Variants in PDCD4 observed in about 807,000 individuals in gnomAD.
The protein encoded by PDCD4 is programmed cell death protein 4.
In PDCD4, 56 loss-of-function variants were observed where a neutral mutation model predicts 54.0. The ratio of observed to expected loss-of-function variants is 1.04; its 90% CI spans 0.84 to 1.30. The LOEUF is 1.30. PDCD4 is among the 50% of genes most tolerant of loss of function. The probability of loss-of-function intolerance (pLI) is 0.00; values close to 1 mark genes in which losing one functional copy is unlikely to be tolerated. For synonymous variants in PDCD4, 186 were observed against 194.8 expected, an observed-to-expected ratio of 0.95 and a Z score of 0.37; for missense variants, 584 against 559.8, an observed-to-expected ratio of 1.04 and a Z score of -0.44.
intron 1 of PDCD4, 34 bp from the exon 2 acceptor site, chr10:110,875,932 C>T (rs1845496996): frequency 2.1e-6 from 2 of 961,980 alleles, no homozygotes. Flanking sequence ...TTTAAAAGAT[C>T]TTGAAGCTTT....
Position 110,894,465 on chromosome 10 carries a change from G to C in PDCD4, c.1152G>C (p.Leu384Phe). ...GAGAAAGTACATTTAAGATGATTTT[G>C]GATTTATTAAAGTCCCTTTGGAAGT... Reference protein sequence around the residue: ...STGESTFKMILDLLKSLWKSS... With the variant: ...STGESTFKMIFDLLKSLWKSS... Residue 384 changes from leucine (L) to phenylalanine (F), a missense_variant, in exon 10 of 12, where the codon TTG becomes TTC. Leu to Phe is a conservative substitution (Grantham distance 22). Coordinates refer to ENST00000280154, the MANE Select transcript of PDCD4 (RefSeq NM_014456.5). 1 of 1,573,202 alleles carries C rather than the reference G, an allele frequency of 6.4e-7. No individual in the cohort carries two copies. Among genetic ancestry groups the C allele is most frequent in the Non-Finnish European group, 8.7e-7 (1 of 1,144,576 alleles).
chr10:110,872,241 G>A (rs1845421089), intron 1 of PDCD4: 1 of 152,136 alleles, frequency 6.6e-6, no homozygotes, highest in Non-Finnish European at 1.5e-5. Context: ...ATCCGGCCTG[G>A]TTCCCTCTTT....
chr10:110,884,328 GGCTTGGAAC>G (rs1845637382), intron 4 of PDCD4, among the ~76,000 whole-genome samples: 1 of 152,084 alleles, frequency 6.6e-6, no homozygotes, highest in Admixed American at 6.6e-5. Flanking sequence ...CCTCGGACGG[GGCTTGGAAC>G]ATACCCCTTG....
chr10:110,896,910 G>A (rs1170677225), intron 11 of PDCD4, among the ~76,000 whole-genome samples: 1 of 152,162 alleles, frequency 6.6e-6, no homozygotes, highest in Admixed American at 6.5e-5. Context: ...AGAGGGAAAA[G>A]AAAGTGATGA....
At chr10:110,897,080 TC>T (rs1444313352) in intron 11 of PDCD4, among the ~76,000 whole-genome samples, 2 of 152,220 alleles carry the variant, frequency 1.3e-5, no homozygotes, top group Non-Finnish European at 1.5e-5. Context: ...TACCTTGGTC[TC>T]ATACAGTCTG....
At chr10:110,875,042 A>C (rs1395268713) in intron 1 of PDCD4, among the ~76,000 whole-genome samples, 1 of 152,154 alleles carries the variant, frequency 6.6e-6, no homozygotes, top group Non-Finnish European at 1.5e-5. Flanking sequence ...CATACACTTA[A>C]GTACTCTAAA....
rs1845942096 is a variant in PDCD4 at position 110,899,848 on chromosome 10, C to G, written c.*1760C>G. On this transcript the variant is annotated 3_prime_UTR_variant, in exon 12 of 12. Transcript: ENST00000280154. ...ACAGTTTTGTCATTACTGGTGGGAT[C>G]TGGTCACACAAGATAGCATTAAACG... The G allele has an allele frequency of 6.6e-6, 1 of 151,404 alleles. No individual in the cohort carries two copies. The highest frequency in any genetic ancestry group is 2.1e-4 in the South Asian group (1 of 4,814). 9.4% of individuals were successfully genotyped at this position (151,404 alleles called of 1,614,324 possible).
At chr10:110,878,376 T>C (rs1351022519) in intron 2 of PDCD4, among the ~76,000 whole-genome samples, 1 of 152,212 alleles carries the variant, frequency 6.6e-6, no homozygotes, top group African/African-American at 2.4e-5. Context: ...TTAAATTGAA[T>C]ACTCCAAGGG....
rs556035442 is a variant in PDCD4 at position 110,881,748 on chromosome 10, T to C, written c.346+213T>C. Among the ~76,000 whole-genome samples, 7 of 152,340 alleles carry C rather than the reference T, an allele frequency of 4.6e-5. No individual in the cohort carries two copies. In the Middle Eastern group the frequency reaches 0.02, roughly 444 times the overall value. On this transcript the variant is annotated intron_variant, in intron 3 of 11. Transcript: ENST00000280154. ...ATGTTTTTTCTTGTTTGAGTAGATT[T>C]AATTTTCTTGAGCAGAATGTTAACG...
chr10:110,887,934 C>G, intron 6 of PDCD4, 48 bp downstream of exon 6: 1 of 1,255,786 alleles, frequency 8.0e-7, no homozygotes. Flanking sequence ...TACTATATTC[C>G]TAATTGTGGA....
At position 110,887,710 on chromosome 10, in the gene PDCD4, C is replaced by T; in HGVS notation, c.601C>T (p.Pro201Ser). 7.4e-6 allele frequency: 12 copies of T among 1,613,026 alleles called. No individual in the cohort carries two copies. Among genetic ancestry groups the T allele is most frequent in the Non-Finnish European group, 1.0e-5 (12 of 1,179,268 alleles). ...TCTTGGTGAAATGAAAAGTGGAGTA[C>T]CAGTGTTGGCAGTATCCTTAGCATT... is the stretch of plus-strand genomic sequence containing the variant. Reference protein sequence around the residue: ...LNLGEMKSGVPVLAVSLALEG... With the variant: ...LNLGEMKSGVSVLAVSLALEG... Residue 201 changes from proline to serine, a missense_variant, in exon 6 of 12, where the codon CCA (proline) becomes TCA (serine). Transcript: ENST00000280154.
At chr10:110,896,199 T>C (rs1360290548) in intron 11 of PDCD4, 112 bp downstream of exon 11, 1 of 772,582 alleles carries the variant, frequency 1.3e-6, no homozygotes, top group African/African-American at 1.8e-5. Flanking sequence ...AACGTGACTC[T>C]TGTGAGTTCA....
intron 10 of PDCD4, among the ~76,000 whole-genome samples, chr10:110,894,726 T>G (rs1845805664): frequency 6.6e-6 from 1 of 151,792 alleles, no homozygotes; most frequent in Admixed American, 6.6e-5. Flanking sequence ...AGTGTTTTTT[T>G]TTTTTTTTTT....
chr10:110,872,492 GC>G (rs1339726757), intron 1 of PDCD4, among the ~76,000 whole-genome samples: 1 of 152,178 alleles, frequency 6.6e-6, no homozygotes, highest in East Asian at 1.9e-4. Context: ...TGAAGATGCG[GC>G]CCCCTGTCCT....
chr10:110,890,918 G>A (rs1845745539), intron 8 of PDCD4: 1 of 305,404 alleles, frequency 3.3e-6, no homozygotes, highest in African/African-American at 2.2e-5. Flanking sequence ...AACTTCAAAG[G>A]AATGCCTGAA....
rs1282947434 is a variant in PDCD4 at position 110,896,100 on chromosome 10, A to C, written c.1349+13A>C. 1 of 1,568,492 alleles carries C rather than the reference A, an allele frequency of 6.4e-7. No individual in the cohort carries two copies. The highest frequency in any genetic ancestry group is 2.3e-5 in the East Asian group (1 of 43,822). Reference sequence around the variant, plus strand: ...TTTGTCCTTCAAGGTACTTTATTTAAATACTACTTTCTCAATGTAAAATAG... The same window carrying C: ...TTTGTCCTTCAAGGTACTTTATTTACATACTACTTTCTCAATGTAAAATAG... On this transcript the variant is annotated intron_variant, in intron 11 of 11. Coordinates refer to ENST00000280154, the MANE Select transcript of PDCD4 (RefSeq NM_014456.5).
chr10:110,885,150 A>G, intron 4 of PDCD4, 103 bp from the exon 5 acceptor site: 1 of 621,334 alleles, frequency 1.6e-6, no homozygotes, highest in Non-Finnish European at 2.9e-6. Context: ...GTCTTGTGCT[A>G]AGTGGGGATT....
At chr10:110,879,422 T>A (rs1845556399) in intron 2 of PDCD4, among the ~76,000 whole-genome samples, 1 of 152,154 alleles carries the variant, frequency 6.6e-6, no homozygotes, top group East Asian at 1.9e-4. Flanking sequence ...ATCCCAGCAC[T>A]TTGGGAGGCC....
chr10:110,882,614 G>A (rs1304636665), intron 3 of PDCD4, among the ~76,000 whole-genome samples: 2 of 152,182 alleles, frequency 1.3e-5, no homozygotes, highest in African/African-American at 4.8e-5. Flanking sequence ...CCCTTGTTGA[G>A]TTTTCTATGC....
Sources: gnomAD v4.1 joint callset for allele counts (sites outside exome capture counted in the v4.1 genomes callset) on GRCh38, gnomAD v4.1.1 for gene constraint, MANE v1.5 for transcripts, NCBI Gene and HGNC (gene_info 2026-07-23, HGNC 2026-07-21) for gene names.